CATSPERE: variants seen among roughly 807,000 people sequenced by gnomAD.
The protein encoded by CATSPERE is cation channel sperm-associated auxiliary subunit epsilon.
In CATSPERE, 93 loss-of-function variants were observed where a neutral mutation model predicts 114.1. That is an observed-to-expected ratio of 0.81 (90% CI 0.69 to 0.97). The LOEUF (loss-of-function observed/expected upper bound fraction) is 0.97. Among genes scored for constraint, CATSPERE ranks in the 50% least tolerant of loss-of-function variants. The pLI, the probability that CATSPERE is intolerant of heterozygous loss-of-function variation, is 0.00. For missense variants in CATSPERE, 1,058 were observed against 1,131.6 expected (o/e 0.93, Z 0.93); for synonymous variants, 341 against 384.1 (o/e 0.89, Z 1.31).
At chr1:244,621,066 A>ATATAT (rs1672092476) in intron 20 of CATSPERE, among the ~76,000 whole-genome samples, 6 of 59,196 alleles carry the variant, frequency 1.0e-4, no homozygotes, top group African/African-American at 2.0e-4. Context: ...ATATAAATAT[A>ATATAT]TATAAAATAT....
chr1:244,623,828 T>G (rs1672715089), intron 20 of CATSPERE, among the ~76,000 whole-genome samples: 1 of 152,102 alleles, frequency 6.6e-6, no homozygotes, highest in Non-Finnish European at 1.5e-5. Flanking sequence ...AAAAAATACT[T>G]TATTGCTAAA....
intron 7 of CATSPERE, among the ~76,000 whole-genome samples, chr1:244,517,499 C>T (rs1676827474): frequency 1.3e-5 from 2 of 151,902 alleles, no homozygotes; most frequent in Admixed American, 6.6e-5. Flanking sequence ...GGGCTGGGTG[C>T]AGTGGCTCAT....
chr1:244,605,801 C>A lies in CATSPERE; in HGVS notation c.2403+7C>A. 6.3e-7 allele frequency: 1 copy of A among 1,579,630 alleles called. No homozygotes were observed. The highest frequency in any genetic ancestry group is 1.4e-5 in the African/African-American group (1 of 74,016). ...TAATAATACTATGGCACAGGTATGG[C>A]ATCTTTGGATTTAACCAGAATTTAG... is the stretch of plus-strand genomic sequence containing the variant. On this transcript the variant is annotated splice_region_variant and intron_variant, in intron 18 of 21. Transcript: ENST00000366534.
At chr1:244,587,698 G>A (rs1667192665) in intron 13 of CATSPERE, among the ~76,000 whole-genome samples, 1 of 152,202 alleles carries the variant, frequency 6.6e-6, no homozygotes, top group South Asian at 2.1e-4. Flanking sequence ...CCTTTGAATA[G>A]AGTATTGCTG....
At chr1:244,574,030 C>A (rs1558523044) in intron 11 of CATSPERE, among the ~76,000 whole-genome samples, 1 of 152,138 alleles carries the variant, frequency 6.6e-6, no homozygotes, top group Non-Finnish European at 1.5e-5. Flanking sequence ...AGGAGGGAAG[C>A]AATTTTTATC....
chr1:244,578,056 A>T (rs1312394584), intron 11 of CATSPERE, among the ~76,000 whole-genome samples: 1 of 152,212 alleles, frequency 6.6e-6, no homozygotes, highest in Non-Finnish European at 1.5e-5. Flanking sequence ...CAAGAATTTG[A>T]TTATAGTATA....
At chr1:244,456,339 G>T (rs1666161684), upstream of CATSPERE, among the ~76,000 whole-genome samples, 1 of 151,836 alleles carries the variant, frequency 6.6e-6, no homozygotes, top group South Asian at 2.1e-4. Flanking sequence ...TCCTCCAGGG[G>T]CTCCACCCTG....
Position 244,490,440 on chromosome 1 carries a change from C to T in CATSPERE, c.327-7C>T, listed in dbSNP as rs1229341692. On this transcript the variant is annotated splice_region_variant and splice_polypyrimidine_tract_variant and intron_variant, in intron 5 of 21. Coordinates refer to ENST00000366534, the MANE Select transcript of CATSPERE (RefSeq NM_001130957.2). Reference sequence around the variant, plus strand: ...TACTAAAATATGTTTCCTCTTTTTCCAAGCAGACATTTCTTTAACAACTTT... The same window carrying T: ...TACTAAAATATGTTTCCTCTTTTTCTAAGCAGACATTTCTTTAACAACTTT... 6.5e-7 allele frequency: 1 copy of T among 1,534,516 alleles called. No individual in the cohort carries two copies. Among genetic ancestry groups the T allele is most frequent in the Non-Finnish European group, 9.0e-7 (1 of 1,115,476 alleles).
chr1:244,560,533 C>A (rs1662394211), intron 9 of CATSPERE, 135 bp from the exon 10 acceptor site: 2 of 467,176 alleles, frequency 4.3e-6, no homozygotes, highest in South Asian at 6.2e-5. Context: ...TCATATAACA[C>A]CACCTGTTCC....
At chr1:244,484,151 A>G (rs549219472) in intron 5 of CATSPERE, among the ~76,000 whole-genome samples, 4 of 152,254 alleles carry the variant, frequency 2.6e-5, no homozygotes, top group African/African-American at 7.2e-5. Context: ...CAGCTGATCT[A>G]TTTGTCCATA....
At chr1:244,536,233 G>T (rs533077607) in intron 8 of CATSPERE, among the ~76,000 whole-genome samples, 3 of 151,882 alleles carry the variant, frequency 2.0e-5, no homozygotes, top group Non-Finnish European at 2.9e-5. Flanking sequence ...TTGGGGAGGG[G>T]TGGCACAAGC....
chr1:244,635,486 C>A lies in CATSPERE; in HGVS notation c.2649-3C>A. ...TCTTTCATATTATTTTTCTGCTTTG[C>A]AGTTTCTGTAACCTAACAGCTATGT... On this transcript the variant is annotated splice_region_variant and splice_polypyrimidine_tract_variant and intron_variant, in intron 20 of 21. Coordinates refer to ENST00000366534, the MANE Select transcript of CATSPERE (RefSeq NM_001130957.2). 6.2e-7 allele frequency: 1 copy of A among 1,607,670 alleles called. No homozygotes were observed. The highest frequency in any genetic ancestry group is 1.1e-5 in the South Asian group (1 of 90,824).
intron 12 of CATSPERE, among the ~76,000 whole-genome samples, chr1:244,583,582 C>A (rs1168144201): frequency 3.3e-5 from 5 of 152,134 alleles, no homozygotes; most frequent in African/African-American, 1.2e-4. Flanking sequence ...GGTTGAAATG[C>A]TGGTAGGATG....
intron 10 of CATSPERE, among the ~76,000 whole-genome samples, chr1:244,571,565 G>A (rs1279459526): frequency 6.6e-6 from 1 of 152,158 alleles, no homozygotes; most frequent in East Asian, 1.9e-4. Flanking sequence ...ACCTGCAGAG[G>A]TAGGCTATGC....
Position 244,572,395 on chromosome 1 carries a change from A to G in CATSPERE, c.1573A>G (p.Arg525Gly), listed in dbSNP as rs766151153. The G allele has an allele frequency of 7.1e-6, 11 of 1,547,432 alleles. No individual in the cohort carries two copies. The South Asian group carries it at 7.8e-5, about 11-fold the overall frequency. The part of the protein sequence containing the change: ...NVIFYSKINT[R>G]DAVKLHLWTN... ...AATATTTTATTCCAAGATTAATACT[A>G]GAGATGCAGTAAAGCTGCATTTATG... Residue 525 changes from arginine (R) to glycine (G), a missense_variant, in exon 11 of 22, where the codon AGA (arginine) becomes GGA (glycine). By Grantham distance (125) the Arg-to-Gly change is moderately radical (BLOSUM62 -2). Transcript: ENST00000366534.
intron 10 of CATSPERE, among the ~76,000 whole-genome samples, chr1:244,562,545 C>T (rs1054964954): frequency 2.4e-4 from 36 of 152,018 alleles, no homozygotes; most frequent in African/African-American, 8.5e-4. Context: ...GTCTAAACTC[C>T]CCCAAAAGTA....
At chr1:244,509,156 T>C (rs771722915) in intron 7 of CATSPERE, among the ~76,000 whole-genome samples, 1 of 152,136 alleles carries the variant, frequency 6.6e-6, no homozygotes, top group Non-Finnish European at 1.5e-5. Context: ...ATCCAGTTCT[T>C]AGAGGGAGAA....
intron 7 of CATSPERE, among the ~76,000 whole-genome samples, chr1:244,511,458 T>C (rs957863289): frequency 7.9e-5 from 12 of 152,200 alleles, no homozygotes; most frequent in African/African-American, 2.4e-4. Context: ...TTCATTTACA[T>C]TACATTCAAG....
chr1:244,605,780 A>C lies in CATSPERE; in HGVS notation c.2389A>C (p.Asn797His), dbSNP rs764097638. ...IHGRDDYSFN[N>H]TMAQSGCLHE... ...CGGCAGGGATGACTATAGCTTTAAT[A>C]ATACTATGGCACAGGTATGGCATCT... is the stretch of plus-strand genomic sequence containing the variant. Residue 797 changes from asparagine to histidine, a missense_variant, in exon 18 of 22, where the codon AAT (asparagine) becomes CAT (histidine). Physicochemically the swap from Asn to His is moderately conservative, Grantham distance 68. Coordinates refer to ENST00000366534, the MANE Select transcript of CATSPERE (RefSeq NM_001130957.2). 6.2e-7 allele frequency: 1 copy of C among 1,611,458 alleles called. No homozygotes were observed. Among genetic ancestry groups the C allele is most frequent in the South Asian group, 1.1e-5 (1 of 90,826 alleles).
Sources: allele counts gnomAD v4.1 joint callset (sites outside exome capture counted in the v4.1 genomes callset), GRCh38; gene constraint gnomAD v4.1.1; transcripts MANE v1.5; gene names NCBI Gene and HGNC (gene_info 2026-07-23, HGNC 2026-07-21).